Variants in CHN2 observed in about 807,000 individuals in gnomAD.
The protein encoded by CHN2 is beta-chimaerin.
A neutral mutation model predicts 56.3 loss-of-function variants in CHN2; 35 were observed. The ratio of observed to expected loss-of-function variants is 0.62; its 90% CI spans 0.47 to 0.82. The LOEUF (loss-of-function observed/expected upper bound fraction) is 0.82, where lower values mean the gene tolerates loss of function less well. Among genes scored for constraint, CHN2 ranks in the 40% least tolerant of loss-of-function variants. The pLI is 0.00. For missense variants in CHN2, 491 were observed against 580.5 expected, an observed-to-expected ratio of 0.85 and a Z score of 1.58; for synonymous variants, 210 against 212.8, an observed-to-expected ratio of 0.99 and a Z score of 0.12.
At chr7:29,465,621 C>T (rs1448437355) in intron 6 of CHN2, among the ~76,000 whole-genome samples, 1 of 152,184 alleles carries the variant, frequency 6.6e-6, no homozygotes, top group Non-Finnish European at 1.5e-5. Context: ...CCAGAGTCTT[C>T]CTAACAAGAA....
intron 6 of CHN2, among the ~76,000 whole-genome samples, chr7:29,437,103 AAT>A (rs1042851641): frequency 2.0e-5 from 3 of 152,116 alleles, no homozygotes; most frequent in Non-Finnish European, 4.4e-5. Flanking sequence ...CATCTATGTA[AAT>A]ATATATTTGT....
At chr7:29,350,408 G>A (rs1439148245) in intron 1 of CHN2, among the ~76,000 whole-genome samples, 1 of 152,124 alleles carries the variant, frequency 6.6e-6, no homozygotes, top group Non-Finnish European at 1.5e-5. Context: ...CTAAAGATTA[G>A]TTTCAACATA....
intron 3 of CHN2, among the ~76,000 whole-genome samples, chr7:29,389,314 A>G (rs575047006): frequency 4.7e-4 from 72 of 152,334 alleles, no homozygotes; most frequent in African/African-American, 1.6e-3. Flanking sequence ...CTTGGCTCCA[A>G]ATAACTTATG....
At chr7:29,453,456 T>C (rs78576898) in intron 6 of CHN2, among the ~76,000 whole-genome samples, 44 of 152,304 alleles carry the variant, frequency 2.9e-4, no homozygotes, top group African/African-American at 9.4e-4. Context: ...CCTGGGGACC[T>C]TGGGACTAAA....
At chr7:29,504,072 A>G (rs1790275270) in intron 9 of CHN2, among the ~76,000 whole-genome samples, 1 of 152,266 alleles carries the variant, frequency 6.6e-6, no homozygotes. Flanking sequence ...GTCTAAAAGT[A>G]TAACAAGTAA....
At chr7:29,246,312 T>A (rs927008249) in intron 1 of CHN2, among the ~76,000 whole-genome samples, 4 of 151,510 alleles carry the variant, frequency 2.6e-5, no homozygotes, top group Non-Finnish European at 5.9e-5. Flanking sequence ...GCTGGGAGGG[T>A]TGGGGGTAGG....
chr7:29,397,465 G>A (rs1216250033), intron 4 of CHN2: 2 of 152,126 alleles, frequency 1.3e-5, no homozygotes, highest in Admixed American at 6.5e-5. Context: ...CCTAGAAAGG[G>A]GTGTTACTCC....
chr7:29,257,814 G>T (rs1057203293), intron 1 of CHN2, among the ~76,000 whole-genome samples: 4 of 152,026 alleles, frequency 2.6e-5, no homozygotes, highest in African/African-American at 7.2e-5. Context: ...TTGAGACGGG[G>T]TCTCACTCTG....
chr7:29,433,657 C>T (rs377566190), intron 6 of CHN2, among the ~76,000 whole-genome samples: 244 of 151,890 alleles, frequency 1.6e-3, no homozygotes, highest in Non-Finnish European at 2.8e-3. Flanking sequence ...GACAACATGG[C>T]GAAACCCCGT....
chr7:29,359,486 C>T (rs1411273196), intron 2 of CHN2, among the ~76,000 whole-genome samples: 1 of 152,146 alleles, frequency 6.6e-6, no homozygotes, highest in Non-Finnish European at 1.5e-5. Context: ...GCTGTTGACT[C>T]AAGGAACGGT....
intron 6 of CHN2, among the ~76,000 whole-genome samples, chr7:29,432,853 TGGA>T (rs1407168491): frequency 2.0e-5 from 3 of 152,224 alleles, no homozygotes; most frequent in African/African-American, 7.2e-5. Context: ...TGTTTTTCTC[TGGA>T]GCTATAATTT....
rs1376097984 is a variant in CHN2, at chr7:29,195,625, AGAGAGT to A, written c.49+637_49+642del. ...GAGAGAGAGAGAGAGAGAGAGAGAGAGAGAGTGTGTGTGTGTGTGTGTGTGAGAGAG... is the reference window on the plus strand; with the variant it reads ...GAGAGAGAGAGAGAGAGAGAGAGAGAGTGTGTGTGTGTGTGTGTGAGAGAG... On this transcript the variant is annotated intron_variant, in intron 1 of 12. Coordinates refer to ENST00000222792, the MANE Select transcript of CHN2 (RefSeq NM_004067.4). 5.0e-4 allele frequency among the ~76,000 whole-genome samples: 58 copies of A among 116,118 alleles called. No individual in the cohort carries two copies. In the East Asian group the frequency reaches 6.7e-3, roughly 13 times the overall value. 76.2% of individuals were successfully genotyped at this position (116,118 alleles called of 152,430 possible). A position where few individuals can be genotyped will look rare whatever the true frequency, so the allele number is the denominator to read the frequency against.
At chr7:29,329,376 C>CAAA (rs10667833) in intron 1 of CHN2, among the ~76,000 whole-genome samples, 10,479 of 37,228 alleles carry the variant, frequency 0.28, 3,607 homozygotes, top group Non-Finnish European at 0.33. Context: ...TCAGATAAGG[C>CAAA]AAAAAAAAAA....
intron 3 of CHN2, among the ~76,000 whole-genome samples, chr7:29,378,951 G>A (rs1275033111): frequency 2.6e-5 from 4 of 152,224 alleles, no homozygotes; most frequent in Non-Finnish European, 5.9e-5. Flanking sequence ...GAGACAGAGC[G>A]AGACTCCGTC....
intron 3 of CHN2, among the ~76,000 whole-genome samples, chr7:29,374,837 CT>C (rs1189013254): frequency 5.4e-5 from 8 of 149,236 alleles, no homozygotes; most frequent in African/African-American, 1.7e-4. Context: ...TCCTTCCTTC[CT>C]TCCTTCCTTC....
At chr7:29,458,106 CA>C (rs1784898022) in intron 6 of CHN2, among the ~76,000 whole-genome samples, 1 of 152,112 alleles carries the variant, frequency 6.6e-6, no homozygotes, top group African/African-American at 2.4e-5. Flanking sequence ...TTGTATGTCA[CA>C]AAAGACAGTG....
chr7:29,341,026 C>G (rs1429107750), intron 1 of CHN2, among the ~76,000 whole-genome samples: 1 of 152,156 alleles, frequency 6.6e-6, no homozygotes, highest in Non-Finnish European at 1.5e-5. Flanking sequence ...AGCCCCGTCT[C>G]TATATTCACA....
intron 1 of CHN2, among the ~76,000 whole-genome samples, chr7:29,198,617 C>CA (rs1268384893): frequency 6.6e-6 from 1 of 151,682 alleles, no homozygotes; most frequent in Non-Finnish European, 1.5e-5. Context: ...TTTTAAATTG[C>CA]AAAAATAAAA....
At chr7:29,396,459 CAAAAAAAAAAAAA>C (rs35163855) in intron 4 of CHN2, among the ~76,000 whole-genome samples, 29 of 56,528 alleles carry the variant, frequency 5.1e-4, no homozygotes, top group African/African-American at 2.0e-3. Flanking sequence ...AGACTCTCTC[CAAAAAAAAAAAAA>C]AAAAAAAAAA....
Sources: gnomAD v4.1 joint callset for allele counts (sites outside exome capture counted in the v4.1 genomes callset) on GRCh38, gnomAD v4.1.1 for gene constraint, MANE v1.5 for transcripts, NCBI Gene and HGNC (gene_info 2026-07-23, HGNC 2026-07-21) for gene names.